CCDC91: variants seen among roughly 807,000 people sequenced by gnomAD.
CCDC91 encodes the protein coiled-coil domain-containing protein 91.
Under a neutral mutation model 63.2 loss-of-function variants are expected in CCDC91, and 48 were observed. The ratio of observed to expected loss-of-function variants is 0.76; its 90% CI spans 0.60 to 0.97. The LOEUF is 0.97. Among genes scored for constraint, CCDC91 ranks in the 50% least tolerant of loss-of-function variants. CCDC91 has a pLI of 0.00. For synonymous variants in CCDC91, 167 were observed against 165.8 expected, an observed-to-expected ratio of 1.01 and a Z score of -0.06; for missense variants, 500 against 494.6, an observed-to-expected ratio of 1.01 and a Z score of -0.10.
chr12:28,404,396 G>A (rs1041792953), intron 8 of CCDC91, among the ~76,000 whole-genome samples: 39 of 151,924 alleles, frequency 2.6e-4, no homozygotes, highest in Admixed American at 6.6e-5. Flanking sequence ...AATTTCTTGA[G>A]TTTTGTTTTA....
At chr12:28,430,500 T>A (rs1461991015) in intron 8 of CCDC91, among the ~76,000 whole-genome samples, 1 of 152,134 alleles carries the variant, frequency 6.6e-6, no homozygotes, top group Non-Finnish European at 1.5e-5. Context: ...ACATTGAATT[T>A]GTTATGAAGA....
rs1296915465 is a variant in CCDC91 at position 28,345,468 on chromosome 12, C to G, written c.577-16970C>G. On this transcript the variant is annotated intron_variant, in intron 6 of 12. Transcript: ENST00000536442. ...TACAGTTACCTTATGTATTTAGATA[C>G]TGTTATTAAATATGGAAACTGAGAC... is the stretch of plus-strand genomic sequence containing the variant. 2.6e-5 allele frequency among the ~76,000 whole-genome samples: 4 copies of G among 152,126 alleles called. No homozygotes were observed. The East Asian group carries it at 5.8e-4, about 22-fold the overall frequency.
At chr12:28,432,783 G>C (rs989097360) in intron 8 of CCDC91, among the ~76,000 whole-genome samples, 14 of 152,056 alleles carry the variant, frequency 9.2e-5, no homozygotes, top group African/African-American at 3.1e-4. Flanking sequence ...ATTTAGTTCT[G>C]TAAGAAACTG....
chr12:28,360,476 T>C (rs1343510147), intron 6 of CCDC91, among the ~76,000 whole-genome samples: 1 of 152,198 alleles, frequency 6.6e-6, no homozygotes, highest in East Asian at 1.9e-4. Context: ...TCTTCTGCTG[T>C]CATCTTAGGC....
intron 8 of CCDC91, among the ~76,000 whole-genome samples, chr12:28,426,908 T>C (rs1166697597): frequency 2.0e-5 from 3 of 152,186 alleles, no homozygotes; most frequent in African/African-American, 7.2e-5. Context: ...AACAGAATTT[T>C]GTGGGACTTT....
intron 8 of CCDC91, among the ~76,000 whole-genome samples, chr12:28,434,479 A>G (rs1295314768): frequency 1.3e-5 from 2 of 150,314 alleles, no homozygotes; most frequent in Non-Finnish European, 3.0e-5. Context: ...ATTGTGACAT[A>G]TTATTCTCTT....
intron 1 of CCDC91, among the ~76,000 whole-genome samples, chr12:28,201,374 C>T (rs866203920): frequency 2.1e-5 from 3 of 143,542 alleles, no homozygotes; most frequent in Middle Eastern, 3.9e-3. Context: ...TAGAGGAGCT[C>T]CTCACATCCC....
intron 8 of CCDC91, among the ~76,000 whole-genome samples, chr12:28,415,033 G>A (rs76369004): frequency 0.013 from 1,989 of 152,134 alleles, 49 homozygotes; most frequent in African/African-American, 0.045. Flanking sequence ...ACACTTATGC[G>A]GAGATACCTC....
chr12:28,191,087 C>T (rs1165135306), intron 1 of CCDC91, among the ~76,000 whole-genome samples: 1 of 152,226 alleles, frequency 6.6e-6, no homozygotes, highest in Non-Finnish European at 1.5e-5. Context: ...GCCACATTTC[C>T]TTAGAGTTTC....
chr12:28,384,325 C>T (rs753322447), intron 7 of CCDC91, among the ~76,000 whole-genome samples: 4 of 152,044 alleles, frequency 2.6e-5, no homozygotes, highest in African/African-American at 4.8e-5. Context: ...AACATAAACT[C>T]ATGTAGTTCT....
At chr12:28,540,144 G>A (rs574789916) in intron 12 of CCDC91, among the ~76,000 whole-genome samples, 1 of 152,202 alleles carries the variant, frequency 6.6e-6, no homozygotes, top group East Asian at 1.9e-4. Flanking sequence ...ACCCCACATT[G>A]TCTTTATGCG....
At chr12:28,361,628 T>C (rs1177062215) in intron 6 of CCDC91, among the ~76,000 whole-genome samples, 1 of 152,112 alleles carries the variant, frequency 6.6e-6, no homozygotes, top group Non-Finnish European at 1.5e-5. Flanking sequence ...CTCTCTTTCA[T>C]CTGATTATGT....
intron 3 of CCDC91, among the ~76,000 whole-genome samples, chr12:28,260,946 G>T (rs1946782275): frequency 6.6e-6 from 1 of 151,956 alleles, no homozygotes; most frequent in East Asian, 1.9e-4. Context: ...TTGTGTGGAT[G>T]ACAAAATGGT....
At chr12:28,420,950 A>AACAT (rs1947968185) in intron 8 of CCDC91, among the ~76,000 whole-genome samples, 1 of 152,018 alleles carries the variant, frequency 6.6e-6, no homozygotes, top group East Asian at 1.9e-4. Context: ...TTTTTCCAGT[A>AACAT]TACAGAATGT....
chr12:28,333,702 T>C (rs1489326096), intron 6 of CCDC91, among the ~76,000 whole-genome samples: 1 of 152,178 alleles, frequency 6.6e-6, no homozygotes, highest in African/African-American at 2.4e-5. Flanking sequence ...AAATCTATTC[T>C]TGATTACCTT....
At chr12:28,379,467 A>C (rs1311101070) in intron 7 of CCDC91, among the ~76,000 whole-genome samples, 7 of 151,808 alleles carry the variant, frequency 4.6e-5, no homozygotes, top group African/African-American at 1.2e-4. Context: ...AAAAAAAAAA[A>C]AACCATAACC....
chr12:28,484,898 T>C (rs1951636959), intron 12 of CCDC91, among the ~76,000 whole-genome samples: 1 of 150,310 alleles, frequency 6.7e-6, no homozygotes, highest in Non-Finnish European at 1.5e-5. Flanking sequence ...TTAGGATGTT[T>C]ATATGTTTAG....
intron 7 of CCDC91, among the ~76,000 whole-genome samples, chr12:28,369,862 C>A (rs1944503032): frequency 6.6e-6 from 1 of 152,194 alleles, no homozygotes; most frequent in African/African-American, 2.4e-5. Context: ...GTACCTTGGC[C>A]CTTTTTAGCC....
Position 28,350,579 on chromosome 12 carries a change from C to T in CCDC91, c.577-11859C>T, listed in dbSNP as rs75272432. Among the ~76,000 whole-genome samples the T allele has an allele frequency of 3.5e-3, 531 of 152,272 alleles. 7 individuals carry two copies. Among genetic ancestry groups the T allele is most frequent in the African/African-American group, 0.012 (497 of 41,548 alleles). On this transcript the variant is annotated intron_variant, in intron 6 of 12. Coordinates refer to ENST00000536442, the MANE Select transcript of CCDC91 (RefSeq NM_018318.5). ...GACAGTGGAAAAGTACAGTGTTTGA[C>T]TTCTAGGGCTGCTATAACAAATTAC...
Sources: allele counts gnomAD v4.1 joint callset (sites outside exome capture counted in the v4.1 genomes callset), GRCh38; gene constraint gnomAD v4.1.1; transcripts MANE v1.5; gene names NCBI Gene and HGNC (gene_info 2026-07-23, HGNC 2026-07-21).